The following SLC25A21 variants were observed in gnomAD, a reference collection of about 807,000 sequenced individuals.
The protein encoded by SLC25A21 is mitochondrial 2-oxodicarboxylate carrier.
A neutral mutation model predicts 43.8 loss-of-function variants in SLC25A21; 47 were observed. The observed-to-expected ratio is 1.07, with a 90% CI of 0.85 to 1.37. The LOEUF (loss-of-function observed/expected upper bound fraction) is 1.37. SLC25A21 is among the 40% of genes most tolerant of loss of function. The probability of loss-of-function intolerance (pLI) is 0.00; values close to 1 mark genes in which losing one functional copy is unlikely to be tolerated. For missense variants in SLC25A21, 352 were observed against 350.2 expected, an observed-to-expected ratio of 1.00 and a Z score of -0.04; for synonymous variants, 131 against 121.3, an observed-to-expected ratio of 1.08 and a Z score of -0.52.
intron 1 of SLC25A21, among the ~76,000 whole-genome samples, chr14:37,009,115 C>T (rs1257911022): frequency 6.6e-6 from 1 of 152,180 alleles, no homozygotes; most frequent in Non-Finnish European, 1.5e-5. Context: ...TTCTTAATCT[C>T]ACATCATCAG....
intron 7 of SLC25A21, among the ~76,000 whole-genome samples, chr14:36,704,734 A>C (rs552909859): frequency 1.5e-4 from 23 of 152,212 alleles, no homozygotes; most frequent in Admixed American, 4.6e-4. Flanking sequence ...AAAGCATTAC[A>C]TGATACAGTC....
intron 1 of SLC25A21, among the ~76,000 whole-genome samples, chr14:37,061,470 T>G (rs1196131576): frequency 1.3e-5 from 2 of 151,562 alleles, no homozygotes; most frequent in Non-Finnish European, 2.9e-5. Flanking sequence ...CTGATTTATT[T>G]GTAATTCCCT....
chr14:36,782,527 G>A (rs1268226570), intron 3 of SLC25A21, among the ~76,000 whole-genome samples: 2 of 152,078 alleles, frequency 1.3e-5, no homozygotes, highest in East Asian at 1.9e-4. Context: ...TGCATTTGAA[G>A]ATGCAGTCAC....
chr14:37,145,442 TACACACAC>T lies in SLC25A21; in HGVS notation c.70+26831_70+26838del, dbSNP rs779746223. ...TGAAGTGAAATCTAAAATACTAAAA[TACACACAC>T]ACACACACACACACACACACACACA... is the stretch of plus-strand genomic sequence containing the variant. On this transcript the variant is annotated intron_variant, in intron 1 of 9. Coordinates refer to ENST00000331299, the MANE Select transcript of SLC25A21 (RefSeq NM_030631.4). Among the ~76,000 whole-genome samples, 12 of 145,354 alleles carry T rather than the reference TACACACAC, an allele frequency of 8.3e-5. No homozygotes were observed. The South Asian group carries it at 9.1e-4, about 11-fold the overall frequency.
intron 3 of SLC25A21, among the ~76,000 whole-genome samples, chr14:36,762,784 GA>G (rs1886211746): frequency 6.6e-6 from 1 of 152,154 alleles, no homozygotes; most frequent in Admixed American, 6.5e-5. Context: ...TTCATTGAAG[GA>G]ATGTTTGTAA....
chr14:36,934,274 C>T (rs991876447), intron 1 of SLC25A21, among the ~76,000 whole-genome samples: 2 of 151,892 alleles, frequency 1.3e-5, no homozygotes, highest in African/African-American at 4.8e-5. Flanking sequence ...ATAATCCAGG[C>T]GACCTCATAG....
At chr14:36,947,169 T>C (rs1892697956) in intron 1 of SLC25A21, among the ~76,000 whole-genome samples, 1 of 152,216 alleles carries the variant, frequency 6.6e-6, no homozygotes, top group African/African-American at 2.4e-5. Flanking sequence ...TCTACCTGCA[T>C]AGTTCAGCTG....
At chr14:37,051,281 G>A (rs891613317) in intron 1 of SLC25A21, among the ~76,000 whole-genome samples, 1 of 152,174 alleles carries the variant, frequency 6.6e-6, no homozygotes. Flanking sequence ...AGAAGGGGCA[G>A]AAGGAATATT....
At chr14:37,040,169 C>A (rs1961416212) in intron 1 of SLC25A21, among the ~76,000 whole-genome samples, 1 of 145,434 alleles carries the variant, frequency 6.9e-6, no homozygotes, top group Non-Finnish European at 1.5e-5. Flanking sequence ...CACTGTACTC[C>A]AGCCTGGGCA....
intron 1 of SLC25A21, among the ~76,000 whole-genome samples, chr14:37,108,947 C>T (rs1168818903): frequency 6.6e-6 from 1 of 152,050 alleles, no homozygotes; most frequent in Non-Finnish European, 1.5e-5. Context: ...ATTGCAGTTC[C>T]ATTACAACCT....
chr14:36,901,007 C>T (rs926799393), intron 1 of SLC25A21, among the ~76,000 whole-genome samples: 2 of 151,874 alleles, frequency 1.3e-5, no homozygotes, highest in African/African-American at 4.8e-5. Flanking sequence ...GTTCTCAAGC[C>T]AATATATGCT....
At chr14:37,140,114 T>C (rs1186890912) in intron 1 of SLC25A21, among the ~76,000 whole-genome samples, 1 of 152,212 alleles carries the variant, frequency 6.6e-6, no homozygotes, top group Non-Finnish European at 1.5e-5. Context: ...TAGTTGGCTG[T>C]TGCAAACTGT....
intron 3 of SLC25A21, among the ~76,000 whole-genome samples, chr14:36,810,961 G>GGGGAAATAATTCAGAA (rs1555329750): frequency 6.6e-6 from 1 of 150,602 alleles, no homozygotes; most frequent in Non-Finnish European, 1.5e-5. Context: ...AGAAAAGAGG[G>GGGGAAATAATTCAGAA]TCAGGGAGGG....
At chr14:36,811,427 G>GT (rs1888262295) in intron 3 of SLC25A21, among the ~76,000 whole-genome samples, 2 of 152,080 alleles carry the variant, frequency 1.3e-5, no homozygotes, top group Admixed American at 1.3e-4. Context: ...GAGGAGGGTG[G>GT]ATCACTTGAG....
intron 1 of SLC25A21, among the ~76,000 whole-genome samples, chr14:36,921,369 G>T (rs1891977218): frequency 6.6e-6 from 1 of 152,084 alleles, no homozygotes. Flanking sequence ...CACATCCTGG[G>T]CCCTGGAGAT....
intron 1 of SLC25A21, among the ~76,000 whole-genome samples, chr14:37,086,953 T>C (rs936905475): frequency 1.3e-5 from 2 of 152,230 alleles, no homozygotes; most frequent in Non-Finnish European, 1.5e-5. Flanking sequence ...AATTATATTT[T>C]ATTCACACAA....
At chr14:37,027,754 C>A (rs144680618) in intron 1 of SLC25A21, among the ~76,000 whole-genome samples, 13 of 152,250 alleles carry the variant, frequency 8.5e-5, no homozygotes, top group Admixed American at 2.0e-4. Context: ...GCTGTTTGGC[C>A]TGGCTTGGTC....
chr14:36,850,117 G>A (rs1360661924), intron 2 of SLC25A21, among the ~76,000 whole-genome samples: 1 of 152,072 alleles, frequency 6.6e-6, no homozygotes, highest in Non-Finnish European at 1.5e-5. Flanking sequence ...CCCTTCCAGA[G>A]GAAGAGATGT....
chr14:36,958,644 T>C (rs12435053), intron 1 of SLC25A21, among the ~76,000 whole-genome samples: 55,930 of 151,042 alleles, frequency 0.37, 10,511 homozygotes, highest in South Asian at 0.48. Flanking sequence ...CTGGCTCACA[T>C]ACATGTGTGT....
Sources: allele counts gnomAD v4.1 joint callset (sites outside exome capture counted in the v4.1 genomes callset), GRCh38; gene constraint gnomAD v4.1.1; transcripts MANE v1.5; gene names NCBI Gene and HGNC (gene_info 2026-07-23, HGNC 2026-07-21).